ATG4C: variants seen among roughly 807,000 people sequenced by gnomAD.
The protein encoded by ATG4C is cysteine protease ATG4C.
ATG4C carries 56 observed loss-of-function variants against 57.6 expected under a neutral mutation model. The observed-to-expected ratio is 0.97, with a 90% CI of 0.78 to 1.21. The LOEUF (loss-of-function observed/expected upper bound fraction) is 1.21, where lower values mean the gene tolerates loss of function less well. ATG4C is among the 50% of genes most tolerant of loss of function. The pLI, the probability that ATG4C is intolerant of heterozygous loss-of-function variation, is 0.00. For missense variants in ATG4C, 595 were observed against 529.8 expected (o/e 1.12, Z -1.21); for synonymous variants, 157 against 174.1 (o/e 0.90, Z 0.78).
At chr1:62,856,575 G>T (rs1442321927) in intron 10 of ATG4C, among the ~76,000 whole-genome samples, 2 of 152,158 alleles carry the variant, frequency 1.3e-5, no homozygotes, top group African/African-American at 4.8e-5. Flanking sequence ...ATAGTAATTT[G>T]CCCAGGGTTA....
intron 9 of ATG4C, among the ~76,000 whole-genome samples, chr1:62,838,976 G>C (rs183958576): frequency 1.3e-5 from 2 of 152,228 alleles, no homozygotes; most frequent in Admixed American, 1.3e-4. Context: ...ATCTATGATG[G>C]TTGTAGTCAG....
chr1:62,791,552 G>T (rs1449829365), intron 1 of ATG4C, among the ~76,000 whole-genome samples: 1 of 152,108 alleles, frequency 6.6e-6, no homozygotes, highest in Non-Finnish European at 1.5e-5. Context: ...CTTGCTGGTG[G>T]GGATTCTGCA....
At chr1:62,852,056 T>A (rs1269379952) in intron 10 of ATG4C, among the ~76,000 whole-genome samples, 1 of 152,232 alleles carries the variant, frequency 6.6e-6, no homozygotes, top group East Asian at 1.9e-4. Context: ...CATTTTTATT[T>A]GGCAATAATT....
intron 2 of ATG4C, among the ~76,000 whole-genome samples, chr1:62,804,181 G>C (rs934835939): frequency 6.6e-6 from 1 of 151,256 alleles, no homozygotes; most frequent in African/African-American, 2.4e-5. Context: ...CTGCCTCCCA[G>C]GTTCAAGTGA....
At chr1:62,792,828 AG>A (rs1321082662) in intron 1 of ATG4C, among the ~76,000 whole-genome samples, 1 of 151,912 alleles carries the variant, frequency 6.6e-6, no homozygotes, top group East Asian at 1.9e-4. Context: ...GAACCCAAGT[AG>A]TAGCTGGTTA....
chr1:62,813,093 A>G (rs6665932), intron 3 of ATG4C, among the ~76,000 whole-genome samples: 68,330 of 151,974 alleles, frequency 0.45, 15,486 homozygotes, highest in East Asian at 0.67. Context: ...GCTACCATTC[A>G]CTTTCTTCAC....
chr1:62,840,615 G>A (rs551541260), intron 9 of ATG4C, among the ~76,000 whole-genome samples: 1 of 152,146 alleles, frequency 6.6e-6, no homozygotes, highest in Non-Finnish European at 1.5e-5. Flanking sequence ...CAAAAAGATT[G>A]CAGTGATTAC....
chr1:62,815,120 G>T (rs1665224265), intron 3 of ATG4C, among the ~76,000 whole-genome samples: 1 of 151,942 alleles, frequency 6.6e-6, no homozygotes, highest in Non-Finnish European at 1.5e-5. Flanking sequence ...CTTTTAATAT[G>T]ATTATTGATA....
chr1:62,845,812 C>G (rs542537554), intron 10 of ATG4C, among the ~76,000 whole-genome samples: 1 of 152,220 alleles, frequency 6.6e-6, no homozygotes, highest in Admixed American at 6.5e-5. Context: ...AGCAATTCTC[C>G]TGCCTCAGCC....
Position 62,802,319 on chromosome 1 carries a change from C to T in ATG4C, c.-68-1400C>T, listed in dbSNP as rs146558454. The stretch of plus-strand genomic sequence containing the variant: ...TAATACAGGTTGAGCATCCTTAATC[C>T]GAAAATCAGAAATCTGAAATTTTCC... On this transcript the variant is annotated intron_variant, in intron 1 of 10. Coordinates refer to ENST00000317868, the MANE Select transcript of ATG4C (RefSeq NM_032852.4). Among the ~76,000 whole-genome samples, 350 of 152,112 alleles carry T rather than the reference C, an allele frequency of 2.3e-3. 2 individuals carry two copies. Among genetic ancestry groups the T allele is most frequent in the African/African-American group, 8.2e-3 (338 of 41,466 alleles).
chr1:62,854,974 G>A (rs1666640078), intron 10 of ATG4C, among the ~76,000 whole-genome samples: 1 of 151,886 alleles, frequency 6.6e-6, no homozygotes. Context: ...AGTCATCACT[G>A]TGTCTGGTGT....
At chr1:62,830,693 T>C (rs1050915167) in intron 7 of ATG4C, among the ~76,000 whole-genome samples, 1 of 151,890 alleles carries the variant, frequency 6.6e-6, no homozygotes, top group Non-Finnish European at 1.5e-5. Context: ...CCACAGGAGG[T>C]TTATTTATTT....
At chr1:62,810,503 T>C (rs1336544363) in intron 3 of ATG4C, among the ~76,000 whole-genome samples, 2 of 152,188 alleles carry the variant, frequency 1.3e-5, no homozygotes, top group Non-Finnish European at 2.9e-5. Context: ...ATTTACTGTA[T>C]GTTGGTTGAT....
chr1:62,832,075 G>A (rs1238059324), intron 7 of ATG4C, among the ~76,000 whole-genome samples: 1 of 152,074 alleles, frequency 6.6e-6, no homozygotes, highest in African/African-American at 2.4e-5. Context: ...TTATTTAGGG[G>A]GAAAACAGTA....
intron 3 of ATG4C, among the ~76,000 whole-genome samples, chr1:62,815,491 A>T (rs1376479007): frequency 1.3e-5 from 2 of 152,142 alleles, no homozygotes; most frequent in African/African-American, 2.4e-5. Context: ...GTAAATTACT[A>T]TTATTTTGGT....
chr1:62,833,546 A>G (rs1296678835), intron 7 of ATG4C, among the ~76,000 whole-genome samples: 1 of 152,180 alleles, frequency 6.6e-6, no homozygotes, highest in Non-Finnish European at 1.5e-5. Flanking sequence ...ATGAAGTAGC[A>G]TAAAAAATTT....
chr1:62,802,571 T>G (rs916349840), intron 1 of ATG4C, among the ~76,000 whole-genome samples: 3 of 152,160 alleles, frequency 2.0e-5, no homozygotes, highest in African/African-American at 7.2e-5. Flanking sequence ...TTCCTTTCCA[T>G]GTTCTTCTCC....
At chr1:62,806,463 A>G (rs1367820809) in intron 3 of ATG4C, among the ~76,000 whole-genome samples, 4 of 152,008 alleles carry the variant, frequency 2.6e-5, no homozygotes, top group African/African-American at 9.7e-5. Flanking sequence ...AAGTGATATT[A>G]TTTGTGATTT....
At chr1:62,837,095 G>A (rs755834078) in intron 9 of ATG4C, among the ~76,000 whole-genome samples, 6 of 151,802 alleles carry the variant, frequency 4.0e-5, no homozygotes, top group Non-Finnish European at 7.4e-5. Context: ...GTCCTCTGTT[G>A]AACTCTTTTC....
Sources: allele counts gnomAD v4.1 joint callset (sites outside exome capture counted in the v4.1 genomes callset), GRCh38; gene constraint gnomAD v4.1.1; transcripts MANE v1.5; gene names NCBI Gene and HGNC (gene_info 2026-07-23, HGNC 2026-07-21).